Variants in PSG5 observed in about 807,000 individuals in gnomAD.
The protein encoded by PSG5 is pregnancy specific beta-1-glycoprotein 5, also known as pregnancy-specific beta-1-glycoprotein 5.
A neutral mutation model predicts 37.7 loss-of-function variants in PSG5; 53 were observed. That is an observed-to-expected ratio of 1.41 (90% confidence interval 1.13 to 1.77). The LOEUF (loss-of-function observed/expected upper bound fraction) is 1.77, where lower values mean the gene tolerates loss of function less well. PSG5 is among the 40% of genes most tolerant of loss of function. The pLI is 0.00. For synonymous variants in PSG5, 221 were observed against 155.4 expected (o/e 1.42, Z -3.14); for missense variants, 547 against 405.2 (o/e 1.35, Z -3.00).
chr19:43,181,690 C>T (rs1453066638), intron 2 of PSG5, among the ~76,000 whole-genome samples: 1 of 151,768 alleles, frequency 6.6e-6, no homozygotes, highest in Admixed American at 6.6e-5. Context: ...CATCTTCTGA[C>T]CTTGTGCCCG....
intron 4 of PSG5, chr19:43,171,662 T>A: frequency 1.1e-6 from 1 of 948,600 alleles, no homozygotes; most frequent in East Asian, 3.4e-5. Context: ...AAGTTTAAAA[T>A]TACTCAAATC....
At position 43,186,519 on chromosome 19, in the gene PSG5, A is replaced by G. The variant is rs1047245708; in HGVS notation, c.-114T>C. Reference sequence around the variant, plus strand: ...CTCCTTCTGTGCTGAGCCTCTCTCCAGGGCAGGAGCACTTCTCAGGCTCAT... The same window carrying G: ...CTCCTTCTGTGCTGAGCCTCTCTCCGGGGCAGGAGCACTTCTCAGGCTCAT... On this transcript the variant is annotated 5_prime_UTR_variant, in exon 1 of 6. Transcript: ENST00000342951. The G allele has an allele frequency of 3.2e-5, 48 of 1,511,560 alleles. No homozygotes were observed. Among genetic ancestry groups the G allele is most frequent in the Admixed American group, 6.0e-5 (3 of 49,948 alleles). 93.6% of individuals were successfully genotyped at this position (1,511,560 alleles called of 1,614,324 possible).
chr19:43,183,195 G>C lies in PSG5; in HGVS notation c.430+1587C>G, dbSNP rs532580510. The C allele has an allele frequency of 1.6e-4, 54 of 330,604 alleles. 1 individual carries two copies. The highest frequency in any genetic ancestry group is 6.4e-4 in the South Asian group (27 of 42,212). 20.5% of individuals were successfully genotyped at this position (330,604 alleles called of 1,614,324 possible). ...CAGCTGCCCCCAGTTCCACAGTCCA[G>C]GACAAAGGAGCCCTGAGAATCCTCT... is the stretch of plus-strand genomic sequence containing the variant. On this transcript the variant is annotated intron_variant, in intron 2 of 5. Coordinates refer to ENST00000342951, the MANE Select transcript of PSG5 (RefSeq NM_002781.4).
intron 2 of PSG5, among the ~76,000 whole-genome samples, chr19:43,183,646 G>C (rs1225182719): frequency 6.6e-6 from 1 of 151,378 alleles, no homozygotes; most frequent in African/African-American, 2.4e-5. Flanking sequence ...TAGTTCTGGA[G>C]TGCAGACTAA....
chr19:43,178,742 C>T, intron 2 of PSG5: 1 of 1,585,728 alleles, frequency 6.3e-7, no homozygotes, highest in Non-Finnish European at 8.6e-7. Flanking sequence ...TTGCCTGGGG[C>T]AGAAAGTCAT....
Position 43,184,996 on chromosome 19 carries a change from C to T in PSG5, c.216G>A (p.Leu72=), listed in dbSNP as rs773378321. ...ATGTAATGTAATGGTAGAGGTCCAT[C>T]AGTTGTCCTTTGTACCAGATGTAGC... ...LAGYIWYKGQ[L]MDLYHYITSY... The change falls in exon 2 of 6, where the codon CTG becomes CTA. Residue 72 remains leucine (L), a synonymous_variant. Coordinates refer to ENST00000342951, the MANE Select transcript of PSG5 (RefSeq NM_002781.4). 1.9e-6 allele frequency: 3 copies of T among 1,612,562 alleles called. No homozygotes were observed. Among genetic ancestry groups the T allele is most frequent in the Non-Finnish European group, 1.7e-6 (2 of 1,179,162 alleles).
At position 43,168,664 on chromosome 19, in the gene PSG5, G is replaced by A. The variant is rs142993308; in HGVS notation, c.*41-461C>T. Among the ~76,000 whole-genome samples the A allele has an allele frequency of 6.7e-3, 1,010 of 151,802 alleles. 34 individuals carry two copies. The highest frequency in any genetic ancestry group is 0.03 in the Admixed American group (459 of 15,220). ...TGGGATTGCAGGCGTGAGCCATCGC[G>A]CCCAGCGTAGAATACTCATATTATT... On this transcript the variant is annotated intron_variant, in intron 5 of 5. Transcript: ENST00000342951.
chr19:43,174,663 C>G, intron 4 of PSG5: 2 of 980,520 alleles, frequency 2.0e-6, no homozygotes, highest in Non-Finnish European at 2.4e-6. Flanking sequence ...GCCACCAGGA[C>G]TCTTTCTCCA....
chr19:43,173,847 C>A, intron 4 of PSG5, among the ~76,000 whole-genome samples: 1 of 151,422 alleles, frequency 6.6e-6, no homozygotes, highest in East Asian at 1.9e-4. Context: ...ACCATTTGAT[C>A]CAGCAATTCC....
rs958253336 is a variant in PSG5, at chr19:43,183,251, G to C, written c.430+1531C>G. 3.3e-4 allele frequency: 113 copies of C among 341,616 alleles called. 3 individuals carry two copies. The Middle Eastern group carries it at 5.3e-3, about 16-fold the overall frequency. 21.2% of individuals were successfully genotyped at this position (341,616 alleles called of 1,614,324 possible). ...CCAAAGAGCTTCAGAGTTGCATGAG[G>C]TGGGGTGGCTTTAGGGGCAAGAGGT... is the stretch of plus-strand genomic sequence containing the variant. On this transcript the variant is annotated intron_variant, in intron 2 of 5. Coordinates refer to ENST00000342951, the MANE Select transcript of PSG5 (RefSeq NM_002781.4).
chr19:43,172,113 C>T (rs1046122837), intron 4 of PSG5, among the ~76,000 whole-genome samples: 3 of 150,576 alleles, frequency 2.0e-5, no homozygotes, highest in Non-Finnish European at 4.4e-5. Context: ...ATGAAATAGA[C>T]AAACTCCTAG....
intron 2 of PSG5, chr19:43,179,117 GT>G (rs1969073753): frequency 1.2e-6 from 2 of 1,604,888 alleles, no homozygotes; most frequent in South Asian, 1.1e-5. Context: ...CCTCCCTGGG[GT>G]TTAAGTTGCT....
In PSG5 at chr19:43,183,502, C is replaced by T. The variant is rs763856199; in HGVS notation, c.430+1280G>A. ...TGGGGAAAGAAAACAAAGTCCTCTC[C>T]TTGATCCTTTCATGACAGTGACATG... is the stretch of plus-strand genomic sequence containing the variant. On this transcript the variant is annotated intron_variant, in intron 2 of 5. Coordinates refer to ENST00000342951, the MANE Select transcript of PSG5 (RefSeq NM_002781.4). 8 of 527,654 alleles carry T rather than the reference C, an allele frequency of 1.5e-5. 1 individual carries two copies. The allele number at this position is 527,654 out of a possible 1,614,324, so 32.7% of individuals were successfully genotyped here. A position where few individuals can be genotyped will look rare whatever the true frequency, so the allele number is the denominator to read the frequency against.
In PSG5 at chr19:43,186,426, C is replaced by G. The variant is rs1408831387; in HGVS notation, c.-21G>C. On this transcript the variant is annotated 5_prime_UTR_variant, in exon 1 of 6. Transcript: ENST00000342951. ...CCCATGGTCTCTGCGCCTGCGTGTTCTCCTCTGTGGAGCTGAGCCTAGGAT... is the reference window on the plus strand; with the variant it reads ...CCCATGGTCTCTGCGCCTGCGTGTTGTCCTCTGTGGAGCTGAGCCTAGGAT... 1.2e-6 allele frequency: 2 copies of G among 1,611,692 alleles called. No homozygotes were observed. Among genetic ancestry groups the G allele is most frequent in the Non-Finnish European group, 1.7e-6 (2 of 1,178,642 alleles).
chr19:43,175,759 C>G, intron 3 of PSG5, 111 bp downstream of exon 3: 1 of 1,548,988 alleles, frequency 6.5e-7, no homozygotes, highest in Non-Finnish European at 8.7e-7. Context: ...GCTCAGATGT[C>G]CAGAAATAAA....
At chr19:43,171,017 T>A (rs1434847781) in intron 4 of PSG5, 1 of 151,460 alleles carries the variant, frequency 6.6e-6, no homozygotes, top group East Asian at 1.9e-4. Flanking sequence ...TAGGTACTGT[T>A]GAGGGGCATT....
intron 2 of PSG5, among the ~76,000 whole-genome samples, chr19:43,182,036 T>G (rs1415752185): frequency 1.3e-5 from 2 of 151,676 alleles, no homozygotes; most frequent in Non-Finnish European, 1.5e-5. Flanking sequence ...AAGTAGCATG[T>G]CTGACTCCAT....
At chr19:43,183,309 G>A (rs1163391086) in intron 2 of PSG5, 3 of 413,154 alleles carry the variant, frequency 7.3e-6, no homozygotes, top group African/African-American at 6.3e-5. Context: ...GTCAGCCTCT[G>A]AAGGACAAGG....
chr19:43,180,281 G>C (rs531065172), intron 2 of PSG5: 1 of 151,584 alleles, frequency 6.6e-6, no homozygotes, highest in Admixed American at 6.6e-5. Flanking sequence ...CTCCTGTGCA[G>C]CCTCGTGCCT....
Sources: gnomAD v4.1 joint callset for allele counts (sites outside exome capture counted in the v4.1 genomes callset) on GRCh38, gnomAD v4.1.1 for gene constraint, MANE v1.5 for transcripts, NCBI Gene and HGNC (gene_info 2026-07-23, HGNC 2026-07-21) for gene names.